The following USF1 variants were observed in gnomAD, a reference collection of about 807,000 sequenced individuals.
The protein encoded by USF1 is upstream stimulatory factor 1.
A neutral mutation model predicts 46.3 loss-of-function variants in USF1; 22 were observed. That is an observed-to-expected ratio of 0.47 (90% CI 0.34 to 0.68). The LOEUF is 0.68. Ranked by LOEUF, USF1 falls within the 30% of genes least tolerant of loss-of-function variation. The pLI is 0.01. For synonymous variants in USF1, 150 were observed against 147.0 expected (o/e 1.02, Z -0.15); for missense variants, 287 against 399.3 (o/e 0.72, Z 2.40).
Position 161,039,338 on chromosome 1 carries a change from G to T in USF1, c.*582C>A. 6.4e-6 allele frequency: 1 copy of T among 155,920 alleles called. No individual in the cohort carries two copies. The highest frequency in any genetic ancestry group is 1.3e-5 in the Non-Finnish European group (1 of 74,942). 9.7% of individuals were successfully genotyped at this position (155,920 alleles called of 1,614,324 possible). A position where few individuals can be genotyped will look rare whatever the true frequency, so the allele number is the denominator to read the frequency against. On this transcript the variant is annotated 3_prime_UTR_variant, in exon 11 of 11. Transcript: ENST00000368021. ...AAAAAACGACCCCCACAAGGGGGAAGGCCCCAAGTGGGCCCCTGCCTGTTG... is the reference window on the plus strand; with the variant it reads ...AAAAAACGACCCCCACAAGGGGGAATGCCCCAAGTGGGCCCCTGCCTGTTG...
At position 161,043,251 on chromosome 1, in the gene USF1, A is replaced by G. The variant is rs1557907279; in HGVS notation, c.8+17T>C. On this transcript the variant is annotated intron_variant, in intron 2 of 10. Transcript: ENST00000368021. The stretch of plus-strand genomic sequence containing the variant: ...CCACCCATCTTTCATCCCAGACCCT[A>G]CCTCTTCTTCACTCACCCCTTCATC... 1 of 1,613,908 alleles carries G rather than the reference A, an allele frequency of 6.2e-7. No individual in the cohort carries two copies. Among genetic ancestry groups the G allele is most frequent in the East Asian group, 2.2e-5 (1 of 44,856 alleles).
rs34352397 is a variant in USF1 at position 161,044,688 on chromosome 1, T to TAA, written c.-86+1168_-86+1169dup. ...TCAACTAAGCCTGAGCAAGAAGGGG[T>TAA]AAAAAAAAAAAAAACAGGGTTCTGA... is the stretch of plus-strand genomic sequence containing the variant. On this transcript the variant is annotated intron_variant, in intron 1 of 10. Transcript: ENST00000368021. 2.7e-4 allele frequency among the ~76,000 whole-genome samples: 38 copies of TAA among 142,004 alleles called. 1 individual carries two copies. In the East Asian group the frequency reaches 7.4e-3, roughly 28 times the overall value. 93.2% of individuals were successfully genotyped at this position (142,004 alleles called of 152,430 possible). A position where few individuals can be genotyped will look rare whatever the true frequency, so the allele number is the denominator to read the frequency against.
intron 3 of USF1, 61 bp from the exon 4 acceptor site, chr1:161,042,731 T>C (rs1319748994): frequency 2.0e-5 from 33 of 1,610,304 alleles, no homozygotes; most frequent in Non-Finnish European, 2.6e-5. Flanking sequence ...CCCGTTCCAT[T>C]TGCATGTCAC....
chr1:161,042,060 CCTT>C (rs1650587641), intron 5 of USF1, 53 bp downstream of exon 5: 1 of 1,547,296 alleles, frequency 6.5e-7, no homozygotes, highest in African/African-American at 1.4e-5. Context: ...CTACTGATTC[CCTT>C]CTTCATCTTA....
intron 3 of USF1, 50 bp from the exon 4 acceptor site, chr1:161,042,720 C>T (rs765022880): frequency 1.1e-5 from 17 of 1,611,548 alleles, no homozygotes; most frequent in Non-Finnish European, 1.4e-5. Context: ...GCCTTTCTAC[C>T]CCCGTTCCAT....
At chr1:161,045,695 AC>A (rs1333755403) in intron 1 of USF1, among the ~76,000 whole-genome samples, 162 bp downstream of exon 1, 1 of 152,268 alleles carries the variant, frequency 6.6e-6, no homozygotes, top group Non-Finnish European at 1.5e-5. Context: ...AGTTTGGCCC[AC>A]AAAGCAGGGT....
chr1:161,045,382 G>GA (rs1314686191), intron 1 of USF1, among the ~76,000 whole-genome samples: 2 of 151,968 alleles, frequency 1.3e-5, no homozygotes, highest in South Asian at 4.2e-4. Flanking sequence ...GACACAAAGG[G>GA]AAAAAAAATC....
chr1:161,039,813 C>A lies in USF1; in HGVS notation c.*107G>T. 4 of 1,192,772 alleles carry A rather than the reference C, an allele frequency of 3.4e-6. No homozygotes were observed. Among genetic ancestry groups the A allele is most frequent in the Non-Finnish European group, 4.8e-6 (4 of 826,836 alleles). The allele number at this position is 1,192,772 out of a possible 1,614,324, so 73.9% of individuals were successfully genotyped here. A position where few individuals can be genotyped will look rare whatever the true frequency, so the allele number is the denominator to read the frequency against. ...CAAGGACACACCTTCTGAACTTCCC[C>A]CTGTCCCATGCCAGAAGTGGGGCAG... On this transcript the variant is annotated 3_prime_UTR_variant, in exon 11 of 11. Transcript: ENST00000368021.
In USF1 at chr1:161,040,778, C is replaced by A. The variant is rs944001191; in HGVS notation, c.619+36G>T. On this transcript the variant is annotated intron_variant, in intron 8 of 10. Transcript: ENST00000368021. This position sits in a 1 kb window ranked among gnomAD's most constrained non-coding sequence, Gnocchi z 4.0. ...CTCAGACATCACTGCTGAGATCACA[C>A]CAGACAGCTTCTAGCTCCACCCAGA... The A allele has an allele frequency of 2.5e-6, 4 of 1,613,968 alleles. No homozygotes were observed. The highest frequency in any genetic ancestry group is 3.4e-6 in the Non-Finnish European group (4 of 1,179,968).
chr1:161,043,612 AAACAACACTTTTTTTTTT>A (rs1196680847), intron 1 of USF1, among the ~76,000 whole-genome samples: 1 of 144,290 alleles, frequency 6.9e-6, no homozygotes, highest in Non-Finnish European at 1.5e-5. Context: ...TGGAAGACAG[AAACAACACTTTTTTTTTT>A]TTTTTTTTTT....
In USF1 at chr1:161,040,341, A is replaced by G; in HGVS notation, c.715-11T>C. On this transcript the variant is annotated splice_polypyrimidine_tract_variant and intron_variant, in intron 9 of 10. Transcript: ENST00000368021. This position sits in a 1 kb window ranked among gnomAD's most constrained non-coding sequence, Gnocchi z 4.0. Reference sequence around the variant, plus strand: ...AATCCCACCTTTACTCTGCAAGATAAGGTCAACAAAATGAGAACTAGGATT... The same window carrying G: ...AATCCCACCTTTACTCTGCAAGATAGGGTCAACAAAATGAGAACTAGGATT... 1 of 1,613,318 alleles carries G rather than the reference A, an allele frequency of 6.2e-7. No individual in the cohort carries two copies. Among genetic ancestry groups the G allele is most frequent in the Non-Finnish European group, 8.5e-7 (1 of 1,179,564 alleles).
rs1571050077 is a variant in USF1, at chr1:161,042,657, A to T, written c.72T>A (p.Thr24=). 3 of 1,614,042 alleles carry T rather than the reference A, an allele frequency of 1.9e-6. No individual in the cohort carries two copies. The South Asian group carries it at 3.3e-5, about 18-fold the overall frequency. ...TAGCCACACTGGTTGGGTCTTCCCC[A>T]GTAGCCACTGCACCTGAATTAAAAG... is the stretch of plus-strand genomic sequence containing the variant. ...TVQIQEGAVA[T]GEDPTSVAIA... Residue 24 remains threonine, a synonymous_variant, in exon 4 of 11, where the codon ACT becomes ACA. Coordinates refer to ENST00000368021, the MANE Select transcript of USF1 (RefSeq NM_007122.5).
intron 4 of USF1, 120 bp downstream of exon 4, chr1:161,042,435 C>T (rs960804400): frequency 1.7e-6 from 2 of 1,175,062 alleles, no homozygotes; most frequent in East Asian, 2.6e-5. Flanking sequence ...ACCTCCCTCC[C>T]CTGCAACAGT....
chr1:161,039,272 T>TAAAAAAAAAAA lies in USF1; in HGVS notation c.*637_*647dup, dbSNP rs748404757. Reference sequence around the variant, plus strand: ...ACTGTGGCTTTGAACAATTTTATCTTAAAAAAAAAAAAAAAAAAAAAAAAA... The same window carrying TAAAAAAAAAAA: ...ACTGTGGCTTTGAACAATTTTATCTTAAAAAAAAAAAAAAAAAAAAAAAAAAAAAAAAAAAA... On this transcript the variant is annotated 3_prime_UTR_variant, in exon 11 of 11. Coordinates refer to ENST00000368021, the MANE Select transcript of USF1 (RefSeq NM_007122.5). 6 of 59,218 alleles carry TAAAAAAAAAAA rather than the reference T, an allele frequency of 1.0e-4. No homozygotes were observed. The highest frequency in any genetic ancestry group is 2.8e-4 in the African/African-American group (4 of 14,110). 3.7% of individuals were successfully genotyped at this position (59,218 alleles called of 1,614,324 possible). A position where few individuals can be genotyped will look rare whatever the true frequency, so the allele number is the denominator to read the frequency against.
Position 161,040,105 on chromosome 1 carries a change from G to A in USF1, c.844-96C>T, listed in dbSNP as rs1056376045. On this transcript the variant is annotated intron_variant, in intron 10 of 10. Transcript: ENST00000368021. This position sits in a 1 kb window ranked among gnomAD's most constrained non-coding sequence, Gnocchi z 4.0. ...AGACATCCACTGGTGAGGGGGAAAA[G>A]ATGAAGCCTTCTCCATGGAGAACAA... The A allele has an allele frequency of 2.5e-6, 4 of 1,609,972 alleles. No individual in the cohort carries two copies. In the South Asian group the frequency reaches 4.4e-5, roughly 18 times the overall value.
chr1:161,042,124 T>C lies in USF1; in HGVS notation c.268A>G (p.Met90Val), dbSNP rs768025375. ...AISGYPATQS[M>V]TQAVIQGAFT... is the part of the protein sequence containing the mutation. Reference sequence around the variant, plus strand: ...CAGCCCATACCCTGTACCTGGGTCATGGATTGAGTGGCAGGGTAGCCACTG... The same window carrying C: ...CAGCCCATACCCTGTACCTGGGTCACGGATTGAGTGGCAGGGTAGCCACTG... The change falls in exon 5 of 11, where the codon ATG becomes GTG. Residue 90 changes from methionine (M) to valine (V), a missense_variant. Met to Val is a conservative substitution (Grantham distance 21). Transcript: ENST00000368021. 57 of 1,613,400 alleles carry C rather than the reference T, an allele frequency of 3.5e-5. No homozygotes were observed. Among genetic ancestry groups the C allele is most frequent in the Non-Finnish European group, 4.7e-5 (56 of 1,179,712 alleles).
rs1445623132 is a variant in USF1, at chr1:161,042,819, T to G, written c.58+14A>C. 2 of 1,614,180 alleles carry G rather than the reference T, an allele frequency of 1.2e-6. No individual in the cohort carries two copies. The highest frequency in any genetic ancestry group is 3.3e-5 in the Admixed American group (2 of 60,018). ...TGATGGGTTCTTAGTCTTGGTTCTGTTTCTAGCACTCACCTTCCTGAATCT... is the reference window on the plus strand; with the variant it reads ...TGATGGGTTCTTAGTCTTGGTTCTGGTTCTAGCACTCACCTTCCTGAATCT... On this transcript the variant is annotated intron_variant, in intron 3 of 10. Coordinates refer to ENST00000368021, the MANE Select transcript of USF1 (RefSeq NM_007122.5).
Position 161,040,057 on chromosome 1 carries a change from C to T in USF1, c.844-48G>A, listed in dbSNP as rs372202871. 2 of 1,612,786 alleles carry T rather than the reference C, an allele frequency of 1.2e-6. No homozygotes were observed. The highest frequency in any genetic ancestry group is 1.7e-6 in the Non-Finnish European group (2 of 1,178,970). ...AAGGGAATGGGTAGTAAAGCTGGCACTTCCAAGCCCCTGAATGTATTCAGA... is the reference window on the plus strand; with the variant it reads ...AAGGGAATGGGTAGTAAAGCTGGCATTTCCAAGCCCCTGAATGTATTCAGA... On this transcript the variant is annotated intron_variant, in intron 10 of 10. Coordinates refer to ENST00000368021, the MANE Select transcript of USF1 (RefSeq NM_007122.5). The surrounding 1 kb of genome is among the most constrained non-coding windows in gnomAD (Gnocchi z 4.0).
Position 161,043,335 on chromosome 1 carries a change from T to C in USF1, c.-60A>G. 2 of 1,613,746 alleles carry C rather than the reference T, an allele frequency of 1.2e-6. No homozygotes were observed. The highest frequency in any genetic ancestry group is 2.2e-5 in the East Asian group (1 of 44,884). ...CTTTTTTGGAGGTCTTTGTATCTCC[T>C]GATTCACAGGCCTGAGTGCTAAGTC... On this transcript the variant is annotated 5_prime_UTR_variant, in exon 2 of 11. Transcript: ENST00000368021.
Sources: gnomAD v4.1 joint callset for allele counts (sites outside exome capture counted in the v4.1 genomes callset) on GRCh38, gnomAD v4.1.1 for gene constraint, Gnocchi (gnomAD v3.1) non-coding constraint, MANE v1.5 for transcripts, NCBI Gene and HGNC (gene_info 2026-07-23, HGNC 2026-07-21) for gene names.